ACTR3C: variants seen among roughly 807,000 people sequenced by gnomAD.
ACTR3C encodes the protein actin related protein 3C, also known as actin-related protein 3C.
ACTR3C carries 18 observed loss-of-function variants against 26.3 expected under a neutral mutation model. The ratio of observed to expected loss-of-function variants is 0.68; its 90% CI spans 0.47 to 1.01. The LOEUF is 1.01. Ranked by LOEUF, ACTR3C falls within the 50% of genes least tolerant of loss-of-function variation. ACTR3C has a pLI of 0.00. For synonymous variants in ACTR3C, 55 were observed against 94.5 expected (o/e 0.58, Z 2.42); for missense variants, 184 against 250.7 (o/e 0.73, Z 1.80).
At chr7:150,101,204 G>C in the ACTR3C span, among the ~76,000 whole-genome samples, 2 of 151,596 alleles carry the variant, frequency 1.3e-5, no homozygotes, top group Non-Finnish European at 2.9e-5. Context: ...ATTCAGAAAA[G>C]GAAAAAGTTA....
At chr7:150,003,524 TGTG>T in the ACTR3C span, among the ~76,000 whole-genome samples, 3 of 151,910 alleles carry the variant, frequency 2.0e-5, no homozygotes, top group Non-Finnish European at 4.4e-5. Flanking sequence ...TGGTATGTGA[TGTG>T]GTATGTGGTA....
the ACTR3C span, among the ~76,000 whole-genome samples, chr7:149,977,461 T>C: frequency 2.1e-3 from 320 of 152,360 alleles, 1 homozygote; most frequent in Non-Finnish European, 4.0e-3. Flanking sequence ...TTGCTTTGGA[T>C]GGGAACCCGG....
chr7:150,280,949 G>A (rs1835279409), intron 6 of ACTR3C, among the ~76,000 whole-genome samples: 1 of 152,174 alleles, frequency 6.6e-6, no homozygotes, highest in African/African-American at 2.4e-5. Flanking sequence ...TGGCCCAGAC[G>A]AGCGCCTCAA....
At chr7:150,068,122 G>A in the ACTR3C span, among the ~76,000 whole-genome samples, 4 of 152,190 alleles carry the variant, frequency 2.6e-5, no homozygotes, top group African/African-American at 9.7e-5. Flanking sequence ...ACAGGAGTTA[G>A]ATTTTTTATT....
the ACTR3C span, among the ~76,000 whole-genome samples, chr7:149,888,658 G>A: frequency 6.6e-6 from 1 of 152,204 alleles, no homozygotes; most frequent in Admixed American, 6.5e-5. Context: ...AGGGAAGGAA[G>A]GAGGAAGTGG....
chr7:150,035,282 T>G, the ACTR3C span, among the ~76,000 whole-genome samples: 3 of 33,312 alleles, frequency 9.0e-5, no homozygotes, highest in African/African-American at 8.6e-5. Flanking sequence ...CCCTGCCTCG[T>G]GGAGAGTGCC....
chr7:150,159,555 C>G, the ACTR3C span, among the ~76,000 whole-genome samples: 247 of 152,194 alleles, frequency 1.6e-3, no homozygotes, highest in Non-Finnish European at 2.8e-3. Flanking sequence ...TGCTCAGTCT[C>G]AGGGCATTTA....
At chr7:150,019,290 A>G in the ACTR3C span, among the ~76,000 whole-genome samples, 6 of 150,384 alleles carry the variant, frequency 4.0e-5, 1 homozygote, top group Admixed American at 1.3e-4. Flanking sequence ...TAATAACAGA[A>G]GAATTATATC....
the ACTR3C span, among the ~76,000 whole-genome samples, chr7:150,102,930 C>T: frequency 3.9e-5 from 6 of 152,026 alleles, no homozygotes; most frequent in South Asian, 8.3e-4. Flanking sequence ...ATGTAGTAGA[C>T]GTCTAGGAGC....
downstream of ACTR3C, among the ~76,000 whole-genome samples, chr7:150,239,622 A>G (rs1465361971): frequency 1.4e-5 from 2 of 146,644 alleles, no homozygotes; most frequent in Non-Finnish European, 3.0e-5. Context: ...TTACAGTTTG[A>G]AAAAAGTCAT....
chr7:149,979,462 A>T, the ACTR3C span, among the ~76,000 whole-genome samples: 1 of 152,198 alleles, frequency 6.6e-6, no homozygotes, highest in Non-Finnish European at 1.5e-5. Context: ...ACATCAATAT[A>T]AAATAGGAGA....
chr7:150,136,888 A>G, the ACTR3C span, among the ~76,000 whole-genome samples: 1 of 152,088 alleles, frequency 6.6e-6, no homozygotes, highest in African/African-American at 2.4e-5. Context: ...GGTTTTGTGG[A>G]AGACAGTTTG....
At chr7:150,038,263 CCCTG>C in the ACTR3C span, among the ~76,000 whole-genome samples, 3 of 144,636 alleles carry the variant, frequency 2.1e-5, no homozygotes, top group African/African-American at 7.9e-5. Flanking sequence ...CCTTTAGCAA[CCCTG>C]TCTAGTTGTT....
chr7:149,923,949 A>G, the ACTR3C span, among the ~76,000 whole-genome samples: 1 of 152,116 alleles, frequency 6.6e-6, no homozygotes, highest in Non-Finnish European at 1.5e-5. Flanking sequence ...GTGAGTCGAC[A>G]TCACGCCACT....
the ACTR3C span, among the ~76,000 whole-genome samples, chr7:150,172,197 C>T: frequency 6.6e-6 from 1 of 150,554 alleles, no homozygotes. Context: ...GAGTCTCTTC[C>T]AAATGTACTT....
At chr7:149,895,421 A>G in the ACTR3C span, among the ~76,000 whole-genome samples, 1 of 152,122 alleles carries the variant, frequency 6.6e-6, no homozygotes, top group Admixed American at 6.5e-5. Flanking sequence ...TGATGACTAT[A>G]TGAGGTAATG....
At chr7:150,072,949 C>G in the ACTR3C span, among the ~76,000 whole-genome samples, 3 of 152,268 alleles carry the variant, frequency 2.0e-5, no homozygotes, top group Non-Finnish European at 4.4e-5. Flanking sequence ...ACAAATAAGA[C>G]AGCAAATCAA....
the ACTR3C span, among the ~76,000 whole-genome samples, chr7:150,037,787 G>C: frequency 2.2e-5 from 1 of 45,926 alleles, no homozygotes; most frequent in Non-Finnish European, 5.8e-5. Flanking sequence ...CCTGCGATGG[G>C]GGTCCCCAGA....
At chr7:149,914,661 G>A in the ACTR3C span, among the ~76,000 whole-genome samples, 1 of 149,486 alleles carries the variant, frequency 6.7e-6, no homozygotes, top group Non-Finnish European at 1.5e-5. Flanking sequence ...GCTAAAAAGG[G>A]AAAGATTCCT....
Sources: allele counts gnomAD v4.1 joint callset (sites outside exome capture counted in the v4.1 genomes callset), GRCh38; gene constraint gnomAD v4.1.1; transcripts MANE v1.5; gene names NCBI Gene and HGNC (gene_info 2026-07-23, HGNC 2026-07-21).